The following SOX6 variants were observed in gnomAD, a reference collection of about 807,000 sequenced individuals.
SOX6 encodes SRY-box transcription factor 6.
SOX6 carries 11 observed loss-of-function variants against 97.8 expected under a neutral mutation model. The ratio of observed to expected loss-of-function variants is 0.11; its 90% CI spans 0.07 to 0.19. The LOEUF (loss-of-function observed/expected upper bound fraction) is 0.19, where lower values mean the gene tolerates loss of function less well. Among genes scored for constraint, SOX6 ranks in the 10% least tolerant of loss-of-function variants. The pLI is 1.00. For missense variants in SOX6, 810 were observed against 1,039.5 expected (o/e 0.78, Z 3.04); for synonymous variants, 360 against 371.4 (o/e 0.97, Z 0.35).
intron 4 of SOX6, among the ~76,000 whole-genome samples, chr11:16,222,738 T>C (rs1738987732): frequency 6.6e-6 from 1 of 152,112 alleles, no homozygotes; most frequent in African/African-American, 2.4e-5. Context: ...TATGATGTGT[T>C]GTTGCCTACT....
chr11:16,514,844 A>G (rs1282684810), intron 4 of SOX6, among the ~76,000 whole-genome samples: 1 of 150,994 alleles, frequency 6.6e-6, no homozygotes, highest in Non-Finnish European at 1.5e-5. Context: ...ATGATTTCCA[A>G]TTTCATCCAT....
intron 4 of SOX6, among the ~76,000 whole-genome samples, chr11:16,487,846 G>A (rs1860459809): frequency 1.3e-5 from 2 of 152,124 alleles, no homozygotes; most frequent in African/African-American, 4.8e-5. Flanking sequence ...CAGTAATGGA[G>A]CTCTGTAATT....
chr11:16,284,251 T>G (rs1854666817), intron 3 of SOX6, among the ~76,000 whole-genome samples: 1 of 152,120 alleles, frequency 6.6e-6, no homozygotes, highest in Admixed American at 6.6e-5. Flanking sequence ...TTATGTTATT[T>G]GCTACTGAAC....
At chr11:15,994,302 T>C (rs1384117557) in intron 13 of SOX6, among the ~76,000 whole-genome samples, 6 of 151,856 alleles carry the variant, frequency 4.0e-5, no homozygotes, top group Non-Finnish European at 8.8e-5. Context: ...GAAGTAATAA[T>C]TTACCAGCAG....
intron 3 of SOX6, among the ~76,000 whole-genome samples, chr11:16,296,576 T>G (rs1855097483): frequency 6.6e-6 from 1 of 152,146 alleles, no homozygotes; most frequent in Non-Finnish European, 1.5e-5. Context: ...ACTGTTTAAA[T>G]GAGTTCCACT....
At chr11:16,328,132 C>T (rs188343753) in intron 2 of SOX6, among the ~76,000 whole-genome samples, 3 of 152,182 alleles carry the variant, frequency 2.0e-5, no homozygotes, top group East Asian at 1.9e-4. Flanking sequence ...TGGTTTCGGA[C>T]GACACTCAAT....
At chr11:16,450,333 G>A (rs774547743) in intron 1 of SOX6, among the ~76,000 whole-genome samples, 22 of 152,284 alleles carry the variant, frequency 1.4e-4, no homozygotes, top group Middle Eastern at 3.4e-3. Context: ...TTGGAAGCAT[G>A]CATTAACAAA....
chr11:16,502,417 A>G (rs569508677), intron 4 of SOX6, among the ~76,000 whole-genome samples: 1 of 152,152 alleles, frequency 6.6e-6, no homozygotes, highest in African/African-American at 2.4e-5. Flanking sequence ...CATATGTAAC[A>G]AACGTGCACG....
rs1022429047 is a variant in SOX6, at chr11:16,162,729, A to G, written c.777+21157T>C. 1.5e-4 allele frequency among the ~76,000 whole-genome samples: 23 copies of G among 152,318 alleles called. 1 individual carries two copies. In the East Asian group the frequency reaches 4.4e-3, roughly 29 times the overall value. On this transcript the variant is annotated intron_variant, in intron 6 of 15. Coordinates refer to ENST00000683767, the MANE Select transcript of SOX6 (RefSeq NM_001367873.1). The stretch of plus-strand genomic sequence containing the variant: ...TACCCAGTCTCGAGTATTTATTTAT[A>G]TCAATTCAAGAATAGCCTAATATAC...
chr11:16,676,251 C>A (rs1412027256), intron 3 of SOX6, among the ~76,000 whole-genome samples: 1 of 152,168 alleles, frequency 6.6e-6, no homozygotes, highest in African/African-American at 2.4e-5. Context: ...CTCTTTGGTT[C>A]CTTTTTATAA....
chr11:16,156,749 T>A (rs761386099), intron 6 of SOX6, among the ~76,000 whole-genome samples: 1 of 151,964 alleles, frequency 6.6e-6, no homozygotes, highest in Non-Finnish European at 1.5e-5. Flanking sequence ...CTGTTCCTTC[T>A]CCCTGGAATA....
intron 6 of SOX6, among the ~76,000 whole-genome samples, chr11:16,144,845 G>T (rs904885805): frequency 6.6e-6 from 1 of 152,152 alleles, no homozygotes; most frequent in African/African-American, 2.4e-5. Context: ...CTCTGAAATT[G>T]AGGCAATAAT....
chr11:16,407,495 C>G (rs1009857367), intron 1 of SOX6, among the ~76,000 whole-genome samples: 3 of 152,124 alleles, frequency 2.0e-5, no homozygotes, highest in African/African-American at 4.8e-5. Flanking sequence ...CAAAGTTAAT[C>G]TAACAGAGTC....
At chr11:16,648,769 A>C (rs1307290709) in intron 3 of SOX6, among the ~76,000 whole-genome samples, 1 of 152,232 alleles carries the variant, frequency 6.6e-6, no homozygotes, top group Non-Finnish European at 1.5e-5. Context: ...CCAAGAAGAA[A>C]TCTCTGAATT....
intron 6 of SOX6, among the ~76,000 whole-genome samples, chr11:16,172,607 G>A (rs906657417): frequency 3.9e-5 from 6 of 152,028 alleles, no homozygotes; most frequent in East Asian, 1.9e-4. Flanking sequence ...CAAACTTGAC[G>A]TTTGCCTTTG....
intron 3 of SOX6, among the ~76,000 whole-genome samples, chr11:16,276,776 G>A (rs1193573248): frequency 1.3e-5 from 2 of 152,178 alleles, no homozygotes; most frequent in Admixed American, 6.5e-5. Flanking sequence ...TTAAGCTACA[G>A]TGTGTTGAGT....
At chr11:16,053,103 A>G (rs1369955880) in intron 10 of SOX6, among the ~76,000 whole-genome samples, 1 of 152,042 alleles carries the variant, frequency 6.6e-6, no homozygotes, top group Non-Finnish European at 1.5e-5. Context: ...AGCATCCCTA[A>G]ACTCTGAACT....
intron 4 of SOX6, among the ~76,000 whole-genome samples, chr11:16,487,560 CA>C (rs1188780093): frequency 2.6e-5 from 4 of 152,160 alleles, no homozygotes; most frequent in Non-Finnish European, 4.4e-5. Context: ...AATGGAGTAA[CA>C]GTAGAGTGGC....
At chr11:16,109,927 C>T (rs1849187803) in intron 7 of SOX6, among the ~76,000 whole-genome samples, 1 of 152,072 alleles carries the variant, frequency 6.6e-6, no homozygotes, top group Non-Finnish European at 1.5e-5. Context: ...GCTCTGTTAC[C>T]CCAGGACACT....
Sources: allele counts gnomAD v4.1 joint callset (sites outside exome capture counted in the v4.1 genomes callset), GRCh38; gene constraint gnomAD v4.1.1; transcripts MANE v1.5; gene names NCBI Gene and HGNC (gene_info 2026-07-23, HGNC 2026-07-21).